The following SMG6 variants were observed in gnomAD, a reference collection of about 807,000 sequenced individuals.
SMG6 encodes SMG6 nonsense mediated mRNA decay factor, also known as telomerase-binding protein EST1A.
Under a neutral mutation model 142.2 loss-of-function variants are expected in SMG6, and 66 were observed. The ratio of observed to expected loss-of-function variants is 0.46; its 90% CI spans 0.38 to 0.57. The LOEUF is 0.57. Ranked by LOEUF, SMG6 falls within the 20% of genes least tolerant of loss-of-function variation. The pLI is 0.00. For synonymous variants in SMG6, 779 were observed against 702.4 expected, an observed-to-expected ratio of 1.11 and a Z score of -1.72; for missense variants, 1,793 against 1,832.0, an observed-to-expected ratio of 0.98 and a Z score of 0.39.
At chr17:2,064,931 C>T (rs368802697) in intron 18 of SMG6, 142 bp downstream of exon 18, 2 of 641,422 alleles carry the variant, frequency 3.1e-6, no homozygotes, top group East Asian at 2.9e-5. Context: ...GAGGTTGGGC[C>T]TCAGGCATAC....
intron 4 of SMG6, among the ~76,000 whole-genome samples, chr17:2,294,854 G>C (rs927824346): frequency 1.3e-5 from 2 of 149,882 alleles, no homozygotes; most frequent in Admixed American, 1.4e-4. Flanking sequence ...ATACCACCAA[G>C]CATGTAAGAG....
At chr17:2,102,122 G>A (rs2069024985) in intron 13 of SMG6, among the ~76,000 whole-genome samples, 1 of 152,142 alleles carries the variant, frequency 6.6e-6, no homozygotes, top group Non-Finnish European at 1.5e-5. Context: ...GTGCTCTCAG[G>A]CAAATTACTG....
At chr17:2,158,095 T>C (rs1234040336) in intron 13 of SMG6, among the ~76,000 whole-genome samples, 1 of 152,216 alleles carries the variant, frequency 6.6e-6, no homozygotes, top group East Asian at 1.9e-4. Context: ...ATTTTTTAAA[T>C]GGCATGTGAG....
intron 13 of SMG6, among the ~76,000 whole-genome samples, chr17:2,172,367 A>C (rs1355708962): frequency 1.3e-5 from 2 of 152,044 alleles, no homozygotes; most frequent in African/African-American, 4.8e-5. Context: ...AACCATTTGG[A>C]GCTGAGTGAG....
chr17:2,091,379 G>A (rs889605435), intron 13 of SMG6, among the ~76,000 whole-genome samples: 1 of 152,104 alleles, frequency 6.6e-6, no homozygotes, highest in Non-Finnish European at 1.5e-5. Context: ...AGCTTAGGAT[G>A]GGGAGACAGA....
chr17:2,170,343 T>C (rs2071465330), intron 13 of SMG6, among the ~76,000 whole-genome samples: 1 of 152,168 alleles, frequency 6.6e-6, no homozygotes, highest in Non-Finnish European at 1.5e-5. Context: ...AGATGGGGCG[T>C]AGGAAGAGTC....
chr17:2,282,979 T>C (rs1029850061), intron 7 of SMG6, 120 bp from the exon 8 acceptor site: 26 of 880,262 alleles, frequency 3.0e-5, no homozygotes, highest in Non-Finnish European at 4.3e-5. Flanking sequence ...GAGACCAGCC[T>C]GACCAACATA....
chr17:2,066,007 A>G (rs779274750), intron 16 of SMG6: 17 of 364,620 alleles, frequency 4.7e-5, no homozygotes, highest in Non-Finnish European at 8.9e-5. Context: ...ACTCACGTGA[A>G]AGGGTCCCTC....
intron 13 of SMG6, among the ~76,000 whole-genome samples, chr17:2,166,603 G>GT (rs1283014687): frequency 6.6e-6 from 1 of 152,140 alleles, no homozygotes; most frequent in Non-Finnish European, 1.5e-5. Context: ...AACTACAGGT[G>GT]TAATACCATC....
At chr17:2,257,234 T>C (rs969102816) in intron 8 of SMG6, among the ~76,000 whole-genome samples, 2 of 151,908 alleles carry the variant, frequency 1.3e-5, no homozygotes, top group African/African-American at 4.8e-5. Context: ...TACAGGCACG[T>C]GCCACCACAC....
chr17:2,224,495 G>C (rs181369951), intron 10 of SMG6, among the ~76,000 whole-genome samples: 6 of 152,212 alleles, frequency 3.9e-5, no homozygotes, highest in Non-Finnish European at 7.4e-5. Context: ...TAGAAGGTTA[G>C]ATATAGCTAT....
intron 6 of SMG6, 144 bp downstream of exon 6, chr17:2,292,408 A>C (rs1268475810): frequency 1.3e-6 from 1 of 778,246 alleles, no homozygotes; most frequent in Non-Finnish European, 2.1e-6. Context: ...TTCTGAGAGT[A>C]ACCGTAACAA....
At position 2,186,794 on chromosome 17, in the gene SMG6, G is replaced by A. The variant is rs142033373; in HGVS notation, c.3024C>T (p.Asp1008=). 22 of 1,614,184 alleles carry A rather than the reference G, an allele frequency of 1.4e-5. No homozygotes were observed. In the East Asian group the frequency reaches 2.7e-4, roughly 20 times the overall value. Residue 1008 remains aspartate, a synonymous_variant, in exon 12 of 19, where the codon GAC becomes GAT. Coordinates refer to ENST00000263073, the MANE Select transcript of SMG6 (RefSeq NM_017575.5). ...GGACAAAGGAAGACACCTTGATGTC[G>A]TCTTGGTCATCCTGGTCCTCAGGAG... The part of the protein sequence containing the change: ...LSSPEDQDDQ[D]DIKVSSFVPD...
At position 2,298,953 on chromosome 17, in the gene SMG6, G is replaced by A; in HGVS notation, c.1800C>T (p.Ser600=). ...GGCCCTCCGGACTGATGCGGTCCCT[G>A]GAGAGCAGGTTGCTGAGCTGCAGTT... ...NQELQLSNLL[S]RDRISPEGLE... The change falls in exon 2 of 19, where the codon TCC becomes TCT. Residue 600 remains serine (S), a synonymous_variant. Coordinates refer to ENST00000263073, the MANE Select transcript of SMG6 (RefSeq NM_017575.5). 1.9e-6 allele frequency: 3 copies of A among 1,614,154 alleles called. No homozygotes were observed. The highest frequency in any genetic ancestry group is 2.5e-6 in the Non-Finnish European group (3 of 1,180,026).
intron 13 of SMG6, among the ~76,000 whole-genome samples, chr17:2,099,187 G>A (rs2068940028): frequency 1.3e-5 from 2 of 152,036 alleles, no homozygotes; most frequent in African/African-American, 4.8e-5. Flanking sequence ...AGGTGGTGCG[G>A]CCATACTGCC....
intron 6 of SMG6, among the ~76,000 whole-genome samples, chr17:2,290,239 A>T (rs1350426927): frequency 6.6e-6 from 1 of 152,224 alleles, no homozygotes; most frequent in Non-Finnish European, 1.5e-5. Context: ...AAGTTACAGG[A>T]ACCAAGACAG....
At chr17:2,132,184 CTTAT>C (rs1361673702) in intron 13 of SMG6, among the ~76,000 whole-genome samples, 1 of 152,134 alleles carries the variant, frequency 6.6e-6, no homozygotes, top group East Asian at 1.9e-4. Flanking sequence ...ATTTATTTTG[CTTAT>C]TTATTTCTTT....
intron 8 of SMG6, chr17:2,266,281 C>G (rs921510801): frequency 1.7e-6 from 1 of 594,670 alleles, no homozygotes; most frequent in Non-Finnish European, 2.1e-6. Flanking sequence ...CGCACGCGAA[C>G]AGGATATGCT....
Position 2,087,222 on chromosome 17 carries a change from A to G in SMG6, c.3358-1321T>C, listed in dbSNP as rs1436502369. The G allele has an allele frequency of 3.1e-6, 4 of 1,290,126 alleles. No individual in the cohort carries two copies. In the East Asian group the frequency reaches 2.2e-4, roughly 72 times the overall value. 79.9% of individuals were successfully genotyped at this position (1,290,126 alleles called of 1,614,324 possible). A position where few individuals can be genotyped will look rare whatever the true frequency, so the allele number is the denominator to read the frequency against. On this transcript the variant is annotated intron_variant, in intron 13 of 18. Transcript: ENST00000263073. The stretch of plus-strand genomic sequence containing the variant: ...GACAAGCTGTGCACACAGTAGGCTC[A>G]CAGTAAAGACGGACAGCCCAGGGAA...
Sources: gnomAD v4.1 joint callset for allele counts (sites outside exome capture counted in the v4.1 genomes callset) on GRCh38, gnomAD v4.1.1 for gene constraint, MANE v1.5 for transcripts, NCBI Gene and HGNC (gene_info 2026-07-23, HGNC 2026-07-21) for gene names.